SPAG17: variants seen among roughly 807,000 people sequenced by gnomAD.
SPAG17 encodes the protein sperm associated antigen 17.
In SPAG17, 169 loss-of-function variants were observed where a neutral mutation model predicts 273.6. The observed-to-expected ratio is 0.62, with a 90% CI of 0.55 to 0.70. The LOEUF is 0.70. Ranked by LOEUF, SPAG17 falls within the 30% of genes least tolerant of loss-of-function variation. The pLI, the probability that SPAG17 is intolerant of heterozygous loss-of-function variation, is 0.00. For synonymous variants in SPAG17, 825 were observed against 873.2 expected, an observed-to-expected ratio of 0.94 and a Z score of 0.97; for missense variants, 2,557 against 2,627.8, an observed-to-expected ratio of 0.97 and a Z score of 0.59.
chr1:118,171,887 T>G (rs1660437167), intron 1 of SPAG17, among the ~76,000 whole-genome samples: 1 of 152,198 alleles, frequency 6.6e-6, no homozygotes, highest in Non-Finnish European at 1.5e-5. Flanking sequence ...ATTTGGTTCC[T>G]GATGTGACAA....
At chr1:118,168,242 G>T (rs1053091229) in intron 1 of SPAG17, among the ~76,000 whole-genome samples, 1 of 152,152 alleles carries the variant, frequency 6.6e-6, no homozygotes, top group Non-Finnish European at 1.5e-5. Context: ...TGGGTGAGTG[G>T]TGACATCATT....
intron 20 of SPAG17, among the ~76,000 whole-genome samples, chr1:118,052,491 T>C (rs1651173402): frequency 6.6e-6 from 1 of 151,980 alleles, no homozygotes. Flanking sequence ...ACATGATGAC[T>C]ATAGTTAATA....
At chr1:118,139,799 G>T in intron 3 of SPAG17, among the ~76,000 whole-genome samples, 1 of 151,960 alleles carries the variant, frequency 6.6e-6, no homozygotes, top group East Asian at 1.9e-4. Flanking sequence ...GGGGGGTGGG[G>T]GGAATGGAAA....
chr1:118,077,061 C>G (rs1654159746), intron 15 of SPAG17, among the ~76,000 whole-genome samples: 1 of 152,114 alleles, frequency 6.6e-6, no homozygotes, highest in Non-Finnish European at 1.5e-5. Flanking sequence ...ATATTCAGCC[C>G]TTTATGTCCA....
chr1:118,135,371 ATGTGTGTGTGTGTGTGTG>A (rs57793942), intron 3 of SPAG17, among the ~76,000 whole-genome samples: 11 of 139,928 alleles, frequency 7.9e-5, no homozygotes, highest in African/African-American at 2.7e-4. Context: ...AGCTCAAGCA[ATGTGTGTGTGTGTGTGTG>A]TGTGTGTGTG....
At chr1:118,099,890 T>A in intron 5 of SPAG17, 90 bp from the exon 6 acceptor site, 1 of 1,108,444 alleles carries the variant, frequency 9.0e-7, no homozygotes, top group Non-Finnish European at 1.3e-6. Context: ...ACATTATGCA[T>A]GCATTTATAA....
intron 48 of SPAG17, chr1:117,959,254 G>A (rs1406340433): frequency 6.3e-7 from 1 of 1,592,242 alleles, no homozygotes; most frequent in African/African-American, 1.4e-5. Flanking sequence ...AATTGAAGTG[G>A]GAGAAAATTT....
chr1:118,150,130 A>G (rs1171339006), intron 3 of SPAG17, among the ~76,000 whole-genome samples: 1 of 152,208 alleles, frequency 6.6e-6, no homozygotes, highest in Non-Finnish European at 1.5e-5. Context: ...TACAAGAAAC[A>G]CTTTCTGGCG....
chr1:118,183,649 A>T (rs1661049276), intron 1 of SPAG17, among the ~76,000 whole-genome samples: 1 of 152,200 alleles, frequency 6.6e-6, no homozygotes, highest in African/African-American at 2.4e-5. Context: ...AGCCATAAGG[A>T]CAAATAGTGC....
intron 4 of SPAG17, among the ~76,000 whole-genome samples, chr1:118,105,378 T>A (rs1281532587): frequency 6.6e-6 from 1 of 152,174 alleles, no homozygotes. Context: ...GAAATCAGTC[T>A]GTTTAATTGT....
In SPAG17 at chr1:118,040,921, T is replaced by A; in HGVS notation, c.3055-80A>T. 3 of 909,312 alleles carry A rather than the reference T, an allele frequency of 3.3e-6. No homozygotes were observed. In the South Asian group the frequency reaches 4.1e-5, roughly 12 times the overall value. 56.3% of individuals were successfully genotyped at this position (909,312 alleles called of 1,614,324 possible). ...ACTTATCAGTGTTAGCCAACTAAAG[T>A]TGCCAGAAGCTTAATTTCTGCTAAG... On this transcript the variant is annotated intron_variant, in intron 21 of 48. Transcript: ENST00000336338.
intron 3 of SPAG17, among the ~76,000 whole-genome samples, chr1:118,124,903 TC>T (rs1395162597): frequency 6.6e-6 from 1 of 152,184 alleles, no homozygotes; most frequent in Non-Finnish European, 1.5e-5. Context: ...GCTACTGGAC[TC>T]CCATCTTGGG....
Position 118,150,596 on chromosome 1 carries a change from A to T in SPAG17, c.262T>A (p.Ser88Thr). The T allele has an allele frequency of 6.4e-7, 1 of 1,571,820 alleles. No homozygotes were observed. The highest frequency in any genetic ancestry group is 8.7e-7 in the Non-Finnish European group (1 of 1,147,052). ...NEINTLVGSA[S>T]SKKAKKPVGG... ...ACAGGTTTTTTTGCCTTTTTAGATG[A>T]AGCAGATCCAACAAGTGTATTTATT... Residue 88 changes from serine (S) to threonine (T), a missense_variant, in exon 3 of 49, where the codon TCA becomes ACA. Coordinates refer to ENST00000336338, the MANE Select transcript of SPAG17 (RefSeq NM_206996.4).
chr1:117,989,159 C>T (rs1216936906), intron 38 of SPAG17, among the ~76,000 whole-genome samples: 1 of 152,074 alleles, frequency 6.6e-6, no homozygotes, highest in African/African-American at 2.4e-5. Flanking sequence ...ATAAGTATAT[C>T]CCAGGCTTCT....
At chr1:118,091,381 C>T (rs1473321865) in intron 10 of SPAG17, among the ~76,000 whole-genome samples, 1 of 152,120 alleles carries the variant, frequency 6.6e-6, no homozygotes, top group Non-Finnish European at 1.5e-5. Context: ...TCTACCAAAA[C>T]TTCAGGGAAT....
At chr1:118,076,784 G>C (rs942109035) in intron 15 of SPAG17, among the ~76,000 whole-genome samples, 3 of 151,736 alleles carry the variant, frequency 2.0e-5, no homozygotes, top group Admixed American at 1.3e-4. Context: ...TCCTTTGACA[G>C]TGTGATTCAG....
chr1:117,987,575 T>C (rs1656563559), intron 40 of SPAG17, among the ~76,000 whole-genome samples: 1 of 152,166 alleles, frequency 6.6e-6, no homozygotes, highest in African/African-American at 2.4e-5. Context: ...TATTAGTATA[T>C]CAGAATCACC....
chr1:118,138,093 A>C (rs1658460004), intron 3 of SPAG17, among the ~76,000 whole-genome samples: 1 of 151,994 alleles, frequency 6.6e-6, no homozygotes. Context: ...CTGTCTGGGG[A>C]TCATGACCCT....
At chr1:118,082,896 T>C (rs1007807665) in intron 13 of SPAG17, among the ~76,000 whole-genome samples, 1 of 152,290 alleles carries the variant, frequency 6.6e-6, no homozygotes, top group Admixed American at 6.5e-5. Flanking sequence ...GTGACTTACA[T>C]GTTCAAGGAA....
Sources: gnomAD v4.1 joint callset for allele counts (sites outside exome capture counted in the v4.1 genomes callset) on GRCh38, gnomAD v4.1.1 for gene constraint, MANE v1.5 for transcripts, NCBI Gene and HGNC (gene_info 2026-07-23, HGNC 2026-07-21) for gene names.